LOXL2: variants seen among roughly 807,000 people sequenced by gnomAD.
LOXL2 encodes lysyl oxidase homolog 2.
LOXL2 carries 70 observed loss-of-function variants against 93.0 expected under a neutral mutation model. The ratio of observed to expected loss-of-function variants is 0.75; its 90% CI spans 0.62 to 0.92. The LOEUF (loss-of-function observed/expected upper bound fraction) is 0.92. Ranked by LOEUF, LOXL2 falls within the 40% of genes least tolerant of loss-of-function variation. The probability of loss-of-function intolerance (pLI) is 0.00; values close to 1 mark genes in which losing one functional copy is unlikely to be tolerated. For missense variants in LOXL2, 973 were observed against 1,054.9 expected (o/e 0.92, Z 1.08); for synonymous variants, 438 against 413.2 (o/e 1.06, Z -0.73).
In LOXL2 at chr8:23,307,953, G is replaced by GGAAAAAAAAAAAAAAAAAAAAAAAAAAAA. The variant is rs58347035; in HGVS notation, c.1880+1714_1880+1715insTTTTTTTTTTTTTTTTTTTTTTTTTTTTC. Among the ~76,000 whole-genome samples, 7 of 83,522 alleles carry GGAAAAAAAAAAAAAAAAAAAAAAAAAAAA rather than the reference G, an allele frequency of 8.4e-5. 3 individuals are homozygous for GGAAAAAAAAAAAAAAAAAAAAAAAAAAAA. The highest frequency in any genetic ancestry group is 2.1e-5 in the Non-Finnish European group (1 of 47,080). 54.8% of individuals were successfully genotyped at this position (83,522 alleles called of 152,430 possible). A position where few individuals can be genotyped will look rare whatever the true frequency, so the allele number is the denominator to read the frequency against. ...GTGACTAGGTCATCAGCTGCGATAT[G>GGAAAAAAAAAAAAAAAAAAAAAAAAAAAA]AAAAAAAAAAAAAAAAAAAAGCCAA... On this transcript the variant is annotated intron_variant, in intron 10 of 13. Transcript: ENST00000389131.
chr8:23,350,194 G>A (rs73547666), intron 3 of LOXL2, among the ~76,000 whole-genome samples: 1 of 152,162 alleles, frequency 6.6e-6, no homozygotes, highest in South Asian at 2.1e-4. Flanking sequence ...TGTATTATCT[G>A]CACACAGTAT....
chr8:23,335,094 G>A (rs6994800), intron 4 of LOXL2, among the ~76,000 whole-genome samples: 128,672 of 152,148 alleles, frequency 0.85, 54,757 homozygotes, highest in African/African-American at 0.94. Context: ...GGATTACAGG[G>A]ATGAGCTATC....
At chr8:23,379,525 C>A (rs10110108) in intron 1 of LOXL2, among the ~76,000 whole-genome samples, 88,559 of 152,066 alleles carry the variant, frequency 0.58, 26,370 homozygotes, top group East Asian at 0.76. Flanking sequence ...CCATGCCCTG[C>A]CCCCAGAGGT....
At chr8:23,330,358 CAAAAT>C (rs980293729) in intron 5 of LOXL2, among the ~76,000 whole-genome samples, 6 of 101,664 alleles carry the variant, frequency 5.9e-5, no homozygotes, top group African/African-American at 1.0e-4. Flanking sequence ...CAAAACAAAA[CAAAAT>C]AAAACAAAAA....
chr8:23,395,122 C>T (rs761015767), intron 1 of LOXL2, among the ~76,000 whole-genome samples: 65 of 152,010 alleles, frequency 4.3e-4, no homozygotes, highest in African/African-American at 8.0e-4. Flanking sequence ...GGTATTGTGG[C>T]GCACGCCTGT....
Position 23,330,288 on chromosome 8 carries a change from T to C in LOXL2, c.967-1723A>G, listed in dbSNP as rs182154118. On this transcript the variant is annotated intron_variant, in intron 5 of 13. Coordinates refer to ENST00000389131, the MANE Select transcript of LOXL2 (RefSeq NM_002318.3). ...GGCGGAGCTTGCAGTGAGCCGAGATTGCGCCACTGCATTCTGGCCTGGGCG... is the reference window on the plus strand; with the variant it reads ...GGCGGAGCTTGCAGTGAGCCGAGATCGCGCCACTGCATTCTGGCCTGGGCG... Among the ~76,000 whole-genome samples the C allele has an allele frequency of 8.5e-3, 1,298 of 152,286 alleles. 81 individuals carry two copies. The East Asian group carries it at 0.16, about 19-fold the overall frequency.
chr8:23,379,628 A>G (rs975761096), intron 1 of LOXL2, among the ~76,000 whole-genome samples: 3 of 134,392 alleles, frequency 2.2e-5, no homozygotes, highest in African/African-American at 9.0e-5. Context: ...CTCAAGCCTC[A>G]GCAATGGCGG....
chr8:23,390,502 T>C (rs1369527363), intron 1 of LOXL2, among the ~76,000 whole-genome samples: 1 of 152,168 alleles, frequency 6.6e-6, no homozygotes, highest in Non-Finnish European at 1.5e-5. Context: ...ACTGCATTTT[T>C]TCCCCCAGCC....
chr8:23,392,296 C>G (rs1010572069), intron 1 of LOXL2, among the ~76,000 whole-genome samples: 2 of 152,146 alleles, frequency 1.3e-5, no homozygotes, highest in African/African-American at 4.8e-5. Flanking sequence ...GTCCAGAAGC[C>G]TAAGGAGCAA....
intron 13 of LOXL2, among the ~76,000 whole-genome samples, chr8:23,298,424 A>G (rs1803073878): frequency 6.6e-6 from 1 of 152,226 alleles, no homozygotes; most frequent in African/African-American, 2.4e-5. Context: ...CCCAAGTCCT[A>G]TCATCCAAGG....
At chr8:23,317,673 G>A (rs1803424268) in intron 8 of LOXL2, among the ~76,000 whole-genome samples, 1 of 152,210 alleles carries the variant, frequency 6.6e-6, no homozygotes, top group Non-Finnish European at 1.5e-5. Context: ...GTTCTGCACA[G>A]AAGCTGAGGA....
In LOXL2 at chr8:23,306,626, A is replaced by G. The variant is rs114868626; in HGVS notation, c.1880+3042T>C. Reference sequence around the variant, plus strand: ...GCCGCACATGTGGTAGGCAGGGTGGAGTGAAAGGGAGTCTCTCCTCTTTGC... The same window carrying G: ...GCCGCACATGTGGTAGGCAGGGTGGGGTGAAAGGGAGTCTCTCCTCTTTGC... On this transcript the variant is annotated intron_variant, in intron 10 of 13. Coordinates refer to ENST00000389131, the MANE Select transcript of LOXL2 (RefSeq NM_002318.3). 5.7e-3 allele frequency among the ~76,000 whole-genome samples: 873 copies of G among 152,350 alleles called. 6 individuals carry two copies. Among genetic ancestry groups the G allele is most frequent in the African/African-American group, 0.02 (843 of 41,584 alleles).
At chr8:23,327,426 C>T (rs970193806) in intron 6 of LOXL2, among the ~76,000 whole-genome samples, 13 of 152,202 alleles carry the variant, frequency 8.5e-5, no homozygotes, top group African/African-American at 3.1e-4. Context: ...GATGGCCCAA[C>T]ATCTGACACT....
At chr8:23,304,680 T>C (rs1311787464) in intron 10 of LOXL2, among the ~76,000 whole-genome samples, 1 of 152,160 alleles carries the variant, frequency 6.6e-6, no homozygotes, top group Non-Finnish European at 1.5e-5. Context: ...TGGTAGCACA[T>C]TAGTCAGCAC....
intron 6 of LOXL2, among the ~76,000 whole-genome samples, chr8:23,322,961 T>C (rs1001024157): frequency 1.3e-5 from 2 of 152,168 alleles, no homozygotes; most frequent in African/African-American, 4.8e-5. Flanking sequence ...GTAACAAAGA[T>C]GAAGGTCACA....
At chr8:23,342,652 C>T (rs938631382) in intron 3 of LOXL2, among the ~76,000 whole-genome samples, 2 of 152,120 alleles carry the variant, frequency 1.3e-5, no homozygotes, top group African/African-American at 4.8e-5. Flanking sequence ...AGGATGGTCT[C>T]GATTTCCTGA....
intron 1 of LOXL2, among the ~76,000 whole-genome samples, chr8:23,399,721 A>C (rs186234055): frequency 2.8e-4 from 42 of 152,348 alleles, no homozygotes; most frequent in African/African-American, 9.9e-4. Context: ...TATAAGCAAC[A>C]GAAAATGGAC....
In LOXL2 at chr8:23,297,890, C is replaced by G. The variant is rs1377377789; in HGVS notation, c.*153G>C. ...CATGAATGATGGGAGGGTCCCTTTC[C>G]TCCTGAGCTTAGACACAGCTGTAGG... On this transcript the variant is annotated 3_prime_UTR_variant, in exon 14 of 14. Transcript: ENST00000389131. The G allele has an allele frequency of 3.3e-6, 2 of 611,718 alleles. No individual in the cohort carries two copies. Among genetic ancestry groups the G allele is most frequent in the Non-Finnish European group, 5.8e-6 (2 of 345,662 alleles). 37.9% of individuals were successfully genotyped at this position (611,718 alleles called of 1,614,324 possible).
chr8:23,349,603 C>T lies in LOXL2; in HGVS notation c.532-8400G>A, dbSNP rs144040556. The stretch of plus-strand genomic sequence containing the variant: ...CACGTTTGATTTCTTCTTTATTCCT[C>T]CAGCACTGGCATTCTGGTGACTCAT... On this transcript the variant is annotated intron_variant, in intron 3 of 13. Coordinates refer to ENST00000389131, the MANE Select transcript of LOXL2 (RefSeq NM_002318.3). Among the ~76,000 whole-genome samples the T allele has an allele frequency of 1.1e-4, 17 of 152,006 alleles. No individual in the cohort carries two copies. In the East Asian group the frequency reaches 2.9e-3, roughly 26 times the overall value.
Sources: gnomAD v4.1 joint callset for allele counts (sites outside exome capture counted in the v4.1 genomes callset) on GRCh38, gnomAD v4.1.1 for gene constraint, MANE v1.5 for transcripts, NCBI Gene and HGNC (gene_info 2026-07-23, HGNC 2026-07-21) for gene names.